TTC7A: variants seen among roughly 807,000 people sequenced by gnomAD.
TTC7A encodes tetratricopeptide repeat domain 7A.
A neutral mutation model predicts 103.7 loss-of-function variants in TTC7A; 110 were observed. That is an observed-to-expected ratio of 1.06 (90% CI 0.91 to 1.24). The LOEUF (loss-of-function observed/expected upper bound fraction) is 1.24, where lower values mean the gene tolerates loss of function less well. Ranked by LOEUF, TTC7A falls within the 50% of genes most tolerant of loss-of-function variation. TTC7A has a pLI of 0.00. For missense variants in TTC7A, 1,340 were observed against 1,116.3 expected (o/e 1.20, Z -2.86); for synonymous variants, 521 against 467.9 (o/e 1.11, Z -1.47).
intron 15 of TTC7A, among the ~76,000 whole-genome samples, chr2:47,034,549 G>A (rs71423933): frequency 0.012 from 1,874 of 152,290 alleles, 20 homozygotes; most frequent in Middle Eastern, 0.034. Flanking sequence ...GCCGCTTGTA[G>A]TGAAGGTCAC....
chr2:47,042,871 G>A (rs1681911530), intron 15 of TTC7A, among the ~76,000 whole-genome samples: 1 of 152,194 alleles, frequency 6.6e-6, no homozygotes, highest in Non-Finnish European at 1.5e-5. Context: ...AGGCTCAGTT[G>A]GTTTATAAGA....
chr2:46,968,939 T>G (rs535483073), intron 3 of TTC7A, among the ~76,000 whole-genome samples: 32 of 151,624 alleles, frequency 2.1e-4, no homozygotes, highest in African/African-American at 4.6e-4. Flanking sequence ...TTTGTGTTTT[T>G]TTTTTTTTTT....
At chr2:46,920,510 T>C (rs1472460501) in intron 2 of TTC7A, among the ~76,000 whole-genome samples, 1 of 152,048 alleles carries the variant, frequency 6.6e-6, no homozygotes, top group Admixed American at 6.6e-5. Flanking sequence ...TTTGTATTTT[T>C]AGTAGAGATG....
chr2:46,950,922 A>T lies in TTC7A; in HGVS notation c.348+396A>T, dbSNP rs1572700652. Reference sequence around the variant, plus strand: ...AAAAAATCTTAGTAGAAATTTTTAAATTACACATGTGGTTCACATTTGTGG... The same window carrying T: ...AAAAAATCTTAGTAGAAATTTTTAATTTACACATGTGGTTCACATTTGTGG... On this transcript the variant is annotated intron_variant, in intron 2 of 19. Transcript: ENST00000319190. 3.9e-5 allele frequency among the ~76,000 whole-genome samples: 6 copies of T among 152,362 alleles called. 1 individual carries two copies. The Middle Eastern group carries it at 0.017, about 432-fold the overall frequency.
chr2:46,954,538 A>T (rs1671678076), intron 2 of TTC7A, among the ~76,000 whole-genome samples: 1 of 151,252 alleles, frequency 6.6e-6, no homozygotes, highest in Non-Finnish European at 1.5e-5. Context: ...TGAAAGGGCA[A>T]GGTAGATATC....
intron 6 of TTC7A, chr2:46,994,083 A>G (rs1232063846): frequency 2.7e-5 from 12 of 439,288 alleles, no homozygotes; most frequent in Non-Finnish European, 4.4e-5. Context: ...CCAAGGGGTC[A>G]GGAGAGGGAG....
chr2:47,034,944 C>G (rs369389507), intron 15 of TTC7A, among the ~76,000 whole-genome samples: 13 of 152,328 alleles, frequency 8.5e-5, no homozygotes, highest in African/African-American at 3.1e-4. Context: ...GCCTTCTGCC[C>G]CAGGAAACCT....
intron 15 of TTC7A, among the ~76,000 whole-genome samples, chr2:47,039,871 A>G (rs1338625988): frequency 6.6e-6 from 1 of 152,204 alleles, no homozygotes; most frequent in Non-Finnish European, 1.5e-5. Context: ...CTAACGGGGA[A>G]CAGAGACACC....
chr2:47,010,811 TGTCTCA>T (rs1677965319), intron 10 of TTC7A, among the ~76,000 whole-genome samples: 1 of 152,198 alleles, frequency 6.6e-6, no homozygotes, highest in Non-Finnish European at 1.5e-5. Flanking sequence ...GCGATTCTCG[TGTCTCA>T]GCCTCCTGAG....
intron 19 of TTC7A, among the ~76,000 whole-genome samples, chr2:47,068,872 AAAAAAAAAAAAAAAAG>A (rs1347959827): frequency 3.1e-4 from 26 of 84,334 alleles, no homozygotes; most frequent in East Asian, 1.6e-3. Context: ...CAAAAAAAAA[AAAAAAAAAAAAAAAAG>A]AAAGACTCAC....
In TTC7A at chr2:47,023,531, G is replaced by T. The variant is rs563132677; in HGVS notation, c.1568+66G>T. 5.3e-6 allele frequency: 8 copies of T among 1,510,260 alleles called. No homozygotes were observed. The African/African-American group carries it at 8.2e-5, about 16-fold the overall frequency. The allele number at this position is 1,510,260 out of a possible 1,614,324, so 93.6% of individuals were successfully genotyped here. ...TTGGTGGCAGATTCACAAGCTTTAC[G>T]TCATCAGACCCTCTGATGTGGGCAG... On this transcript the variant is annotated intron_variant, in intron 13 of 19. Transcript: ENST00000319190.
At chr2:46,931,961 T>C (rs1669729294) in intron 2 of TTC7A, among the ~76,000 whole-genome samples, 1 of 152,092 alleles carries the variant, frequency 6.6e-6, no homozygotes, top group African/African-American at 2.4e-5. Flanking sequence ...CCTTTGAAAA[T>C]CAAAGTATTT....
chr2:47,045,027 C>T (rs932735743), intron 15 of TTC7A, among the ~76,000 whole-genome samples: 1 of 152,222 alleles, frequency 6.6e-6, no homozygotes, highest in Non-Finnish European at 1.5e-5. Flanking sequence ...GTGTGCTACC[C>T]TCAGGTGGGC....
chr2:46,994,520 T>A lies in TTC7A; in HGVS notation c.1001+6T>A, dbSNP rs1397827153. 6.2e-7 allele frequency: 1 copy of A among 1,613,564 alleles called. No homozygotes were observed. The highest frequency in any genetic ancestry group is 2.2e-5 in the East Asian group (1 of 44,856). ...CACCTCTATGAAGGAGACAAGTAAG[T>A]TCTGCCTGCCCTGCTGCACCTTGCC... is the stretch of plus-strand genomic sequence containing the variant. On this transcript the variant is annotated splice_donor_region_variant and intron_variant, in intron 7 of 19. Coordinates refer to ENST00000319190, the MANE Select transcript of TTC7A (RefSeq NM_020458.4).
intron 2 of TTC7A, among the ~76,000 whole-genome samples, chr2:46,952,813 G>A (rs1440119687): frequency 6.6e-6 from 1 of 152,140 alleles, no homozygotes; most frequent in East Asian, 1.9e-4. Context: ...CATCCTCAGA[G>A]TTGAGCACTG....
intron 1 of TTC7A, among the ~76,000 whole-genome samples, chr2:46,942,763 A>G (rs555246896): frequency 3.9e-5 from 6 of 152,298 alleles, no homozygotes; most frequent in South Asian, 4.2e-4. Flanking sequence ...AATCACTTGC[A>G]CTATTACCTC....
At chr2:46,999,757 T>C (rs1676602083) in intron 8 of TTC7A, 2 of 985,352 alleles carry the variant, frequency 2.0e-6, no homozygotes, top group Admixed American at 6.1e-5. Context: ...ATTTCTGAAA[T>C]ACTGATCTGG....
rs111541345 is a variant in TTC7A at position 46,951,421 on chromosome 2, A to G, written c.348+895A>G. On this transcript the variant is annotated intron_variant, in intron 2 of 19. Coordinates refer to ENST00000319190, the MANE Select transcript of TTC7A (RefSeq NM_020458.4). Reference sequence around the variant, plus strand: ...GAGGCTGTGGCTGTGTTAGATTACAATGTATCCTGAACTATAATAGTGGCA... The same window carrying G: ...GAGGCTGTGGCTGTGTTAGATTACAGTGTATCCTGAACTATAATAGTGGCA... 9.0e-4 allele frequency among the ~76,000 whole-genome samples: 137 copies of G among 152,246 alleles called. 1 individual carries two copies. Among genetic ancestry groups the G allele is most frequent in the African/African-American group, 3.1e-3 (129 of 41,538 alleles).
intron 8 of TTC7A, 69 bp from the exon 9 acceptor site, chr2:47,005,853 G>A (rs983663069): frequency 6.4e-7 from 1 of 1,572,756 alleles, no homozygotes; most frequent in Admixed American, 1.7e-5. Context: ...GCAAGGTGGG[G>A]GCCCTGCGAA....
Sources: gnomAD v4.1 joint callset for allele counts (sites outside exome capture counted in the v4.1 genomes callset) on GRCh38, gnomAD v4.1.1 for gene constraint, MANE v1.5 for transcripts, NCBI Gene and HGNC (gene_info 2026-07-23, HGNC 2026-07-21) for gene names.